The following NRXN3 variants were observed in gnomAD, a reference collection of about 807,000 sequenced individuals.
The protein encoded by NRXN3 is neurexin III.
In NRXN3, 32 loss-of-function variants were observed where a neutral mutation model predicts 137.6. The ratio of observed to expected loss-of-function variants is 0.23; its 90% CI spans 0.18 to 0.31. NRXN3 has a LOEUF of 0.31. Ranked by LOEUF, NRXN3 falls within the 10% of genes least tolerant of loss-of-function variation. The pLI is 1.00. For missense variants in NRXN3, 1,574 were observed against 2,062.5 expected (o/e 0.76, Z 4.59); for synonymous variants, 798 against 784.5 (o/e 1.02, Z -0.29).
At chr14:79,242,710 C>T (rs1172185712) in intron 15 of NRXN3, among the ~76,000 whole-genome samples, 1 of 152,160 alleles carries the variant, frequency 6.6e-6, no homozygotes, top group Non-Finnish European at 1.5e-5. Context: ...GTGAGGCAGA[C>T]AACCTGAGGG....
At chr14:79,802,587 C>A (rs1469153384) in intron 19 of NRXN3, among the ~76,000 whole-genome samples, 1 of 152,164 alleles carries the variant, frequency 6.6e-6, no homozygotes, top group Non-Finnish European at 1.5e-5. Context: ...ATAAAGAATG[C>A]ATGCTTAAAA....
At chr14:78,371,285 C>T (rs1164191875) in intron 4 of NRXN3, among the ~76,000 whole-genome samples, 1 of 152,188 alleles carries the variant, frequency 6.6e-6, no homozygotes, top group African/African-American at 2.4e-5. Context: ...TTCAGATAGA[C>T]GTGGCTTAGC....
chr14:79,518,233 G>A (rs1468989643), intron 16 of NRXN3, among the ~76,000 whole-genome samples: 1 of 151,930 alleles, frequency 6.6e-6, no homozygotes, highest in South Asian at 2.1e-4. Context: ...TTTTATAGAA[G>A]CATTAGAGTA....
chr14:79,314,748 T>C (rs1375551419), intron 15 of NRXN3, among the ~76,000 whole-genome samples: 2 of 146,342 alleles, frequency 1.4e-5, no homozygotes, highest in African/African-American at 2.5e-5. Context: ...CTCAAGTGGG[T>C]CCCTGACCCC....
chr14:79,054,763 C>T (rs2099653684), intron 15 of NRXN3, among the ~76,000 whole-genome samples: 1 of 152,160 alleles, frequency 6.6e-6, no homozygotes, highest in Non-Finnish European at 1.5e-5. Context: ...AGTTTTTAAT[C>T]TCCTTAATTT....
chr14:78,983,733 T>G (rs1275769798), intron 14 of NRXN3, among the ~76,000 whole-genome samples: 1 of 151,566 alleles, frequency 6.6e-6, no homozygotes, highest in East Asian at 1.9e-4. Flanking sequence ...GGTGTGTGCC[T>G]GTAGTACCAG....
chr14:78,769,216 G>A (rs1293471908), intron 8 of NRXN3, among the ~76,000 whole-genome samples: 24 of 152,204 alleles, frequency 1.6e-4, no homozygotes, highest in Admixed American at 1.6e-3. Context: ...AAGCTCTTGT[G>A]ATAGAAACCA....
At chr14:78,269,667 A>T (rs1173059525) in intron 2 of NRXN3, among the ~76,000 whole-genome samples, 1 of 152,178 alleles carries the variant, frequency 6.6e-6, no homozygotes, top group Non-Finnish European at 1.5e-5. Context: ...TCTGACTCCA[A>T]ACTGAGGTTT....
At chr14:79,191,463 A>G (rs961851510) in intron 15 of NRXN3, among the ~76,000 whole-genome samples, 6 of 152,280 alleles carry the variant, frequency 3.9e-5, no homozygotes, top group Admixed American at 2.0e-4. Context: ...AAGCCAGTGT[A>G]ATTGGGGATC....
At chr14:78,521,742 T>G (rs939927732) in intron 4 of NRXN3, among the ~76,000 whole-genome samples, 19 of 152,142 alleles carry the variant, frequency 1.2e-4, no homozygotes, top group African/African-American at 4.6e-4. Flanking sequence ...TATAACTGGA[T>G]AAGAGGGCTT....
chr14:78,847,491 GAC>G (rs2099030521), intron 10 of NRXN3, among the ~76,000 whole-genome samples: 1 of 152,010 alleles, frequency 6.6e-6, no homozygotes, highest in East Asian at 1.9e-4. Flanking sequence ...TGGCTGTCTG[GAC>G]ACAAGCATCA....
At chr14:79,784,830 G>T (rs2140168398) in intron 19 of NRXN3, among the ~76,000 whole-genome samples, 1 of 152,022 alleles carries the variant, frequency 6.6e-6, no homozygotes, top group East Asian at 1.9e-4. Context: ...ATGCACATGT[G>T]CACACAGACA....
intron 16 of NRXN3, among the ~76,000 whole-genome samples, chr14:79,531,661 A>T (rs1424850): frequency 0.28 from 42,537 of 152,040 alleles, 6,986 homozygotes; most frequent in African/African-American, 0.45. Context: ...CTAGGTCATG[A>T]TCTTTAGTAT....
intron 8 of NRXN3, among the ~76,000 whole-genome samples, chr14:78,717,870 G>T (rs2098441257): frequency 6.6e-6 from 1 of 152,210 alleles, no homozygotes; most frequent in African/African-American, 2.4e-5. Flanking sequence ...TGTTATGGCA[G>T]ATGTCTATAG....
At chr14:78,913,274 C>CTTTCTTTTTTTTTTTTTTTTTTTTTTT (rs1225280841) in intron 10 of NRXN3, among the ~76,000 whole-genome samples, 1 of 47,852 alleles carries the variant, frequency 2.1e-5, no homozygotes, top group African/African-American at 1.0e-4. Context: ...TTCTTTCTTT[C>CTTTCTTTTTTTTTTTTTTTTTTTTTTT]TTTTTTTTTT....
intron 10 of NRXN3, among the ~76,000 whole-genome samples, chr14:78,952,921 T>A (rs1567804271): frequency 6.6e-6 from 1 of 152,200 alleles, no homozygotes; most frequent in Non-Finnish European, 1.5e-5. Context: ...CAGAGCTTTG[T>A]GGCATATGGA....
chr14:79,089,233 AT>A (rs1466064661), intron 15 of NRXN3, among the ~76,000 whole-genome samples: 1 of 152,190 alleles, frequency 6.6e-6, no homozygotes, highest in African/African-American at 2.4e-5. Context: ...AGAAAATATG[AT>A]TTGATTGCCT....
intron 4 of NRXN3, among the ~76,000 whole-genome samples, chr14:78,364,720 A>C (rs944761848): frequency 3.9e-5 from 6 of 152,136 alleles, no homozygotes; most frequent in Admixed American, 2.6e-4. Context: ...AGGTGATCTA[A>C]TTTTCATGAA....
rs577274671 is a variant in NRXN3 at position 79,745,119 on chromosome 14, G to A, written c.4014+47182G>A. ...AAAACAGTGATGCAGAACTAGGGGAGAAATTAAGGAGCAAACATTCCAAAA... is the reference window on the plus strand; with the variant it reads ...AAAACAGTGATGCAGAACTAGGGGAAAAATTAAGGAGCAAACATTCCAAAA... On this transcript the variant is annotated intron_variant, in intron 19 of 20. Coordinates refer to ENST00000335750, the MANE Select transcript of NRXN3 (RefSeq NM_001330195.2). Among the ~76,000 whole-genome samples the A allele has an allele frequency of 1.5e-4, 23 of 151,938 alleles. No individual in the cohort carries two copies. The South Asian group carries it at 4.8e-3, about 32-fold the overall frequency.
Sources: gnomAD v4.1 joint callset for allele counts (sites outside exome capture counted in the v4.1 genomes callset) on GRCh38, gnomAD v4.1.1 for gene constraint, MANE v1.5 for transcripts, NCBI Gene and HGNC (gene_info 2026-07-23, HGNC 2026-07-21) for gene names.